XRN1: variants seen among roughly 807,000 people sequenced by gnomAD.
XRN1 encodes the protein 5'-3' exoribonuclease 1, also known as strand-exchange protein 1 homolog.
XRN1 carries 67 observed loss-of-function variants against 222.3 expected under a neutral mutation model. The ratio of observed to expected loss-of-function variants is 0.30; its 90% CI spans 0.25 to 0.37. The LOEUF (loss-of-function observed/expected upper bound fraction) is 0.37. XRN1 is among the 10% of genes least tolerant of loss of function. The pLI is 1.00. For missense variants in XRN1, 1,707 were observed against 2,000.2 expected, an observed-to-expected ratio of 0.85 and a Z score of 2.80; for synonymous variants, 643 against 652.4, an observed-to-expected ratio of 0.99 and a Z score of 0.22.
chr3:142,328,423 T>A (rs2065581176), intron 37 of XRN1, among the ~76,000 whole-genome samples: 2 of 152,004 alleles, frequency 1.3e-5, no homozygotes, highest in South Asian at 4.2e-4. Context: ...AATGTTTAAT[T>A]TCCATTTATT....
At chr3:142,364,925 TAA>T in intron 29 of XRN1, 120 bp downstream of exon 29, 2 of 1,045,128 alleles carry the variant, frequency 1.9e-6, no homozygotes, top group South Asian at 2.0e-5. Context: ...AACTAAAACA[TAA>T]AAAGATTGTT....
chr3:142,427,992 G>C (rs2069333050), intron 2 of XRN1, among the ~76,000 whole-genome samples: 1 of 152,178 alleles, frequency 6.6e-6, no homozygotes, highest in Admixed American at 6.5e-5. Flanking sequence ...CAACTTGTTT[G>C]TATTATCTGC....
At chr3:142,350,483 G>C (rs2066274002) in intron 32 of XRN1, among the ~76,000 whole-genome samples, 1 of 152,126 alleles carries the variant, frequency 6.6e-6, no homozygotes, top group African/African-American at 2.4e-5. Context: ...AAAAATAATG[G>C]CTTTTACTCA....
At chr3:142,402,745 C>G (rs952496227) in intron 18 of XRN1, among the ~76,000 whole-genome samples, 1 of 152,118 alleles carries the variant, frequency 6.6e-6, no homozygotes, top group Non-Finnish European at 1.5e-5. Context: ...ATCATTTCAT[C>G]CCCCTAAACT....
intron 23 of XRN1, among the ~76,000 whole-genome samples, chr3:142,379,272 C>G (rs993022069): frequency 2.0e-5 from 3 of 151,686 alleles, no homozygotes; most frequent in Non-Finnish European, 2.9e-5. Flanking sequence ...CTCTGTCTCA[C>G]AAAAAGAAAA....
chr3:142,407,992 C>T (rs369970297), intron 15 of XRN1, among the ~76,000 whole-genome samples: 7 of 152,216 alleles, frequency 4.6e-5, no homozygotes, highest in African/African-American at 1.7e-4. Flanking sequence ...TCATCACTTC[C>T]AGCACAGAAT....
At chr3:142,427,171 A>T (rs2069292276) in intron 2 of XRN1, among the ~76,000 whole-genome samples, 1 of 152,250 alleles carries the variant, frequency 6.6e-6, no homozygotes, top group Non-Finnish European at 1.5e-5. Context: ...CTCTACAAAA[A>T]TAAAAAAAAT....
At chr3:142,396,971 C>G (rs2108002393) in intron 20 of XRN1, among the ~76,000 whole-genome samples, 1 of 152,134 alleles carries the variant, frequency 6.6e-6, no homozygotes, top group East Asian at 1.9e-4. Flanking sequence ...AGGAACAAAA[C>G]AGGATTTTTC....
intron 27 of XRN1, among the ~76,000 whole-genome samples, chr3:142,367,846 G>T (rs2107873901): frequency 6.6e-6 from 1 of 151,878 alleles, no homozygotes; most frequent in Middle Eastern, 3.4e-3. Flanking sequence ...TACTTTTAAT[G>T]ATGATCCTGC....
At chr3:142,384,220 C>T (rs1030079161) in intron 21 of XRN1, among the ~76,000 whole-genome samples, 4 of 147,176 alleles carry the variant, frequency 2.7e-5, no homozygotes, top group South Asian at 2.1e-4. Context: ...TGCAGTGAGC[C>T]GAGATGGCGC....
chr3:142,437,686 G>A (rs1023940182), intron 1 of XRN1, among the ~76,000 whole-genome samples: 2 of 152,156 alleles, frequency 1.3e-5, no homozygotes, highest in Non-Finnish European at 2.9e-5. Context: ...AGCAAAAATG[G>A]AGAAATGGGA....
chr3:142,370,890 A>AAAACG (rs2066968536), intron 26 of XRN1, among the ~76,000 whole-genome samples: 1 of 152,118 alleles, frequency 6.6e-6, no homozygotes, highest in South Asian at 2.1e-4. Context: ...AAAACAAAAC[A>AAAACG]AAACAAAACA....
At chr3:142,316,214 CT>C (rs377522108) in intron 39 of XRN1, among the ~76,000 whole-genome samples, 1,405 of 111,810 alleles carry the variant, frequency 0.013, 8 homozygotes, top group African/African-American at 0.044. Context: ...TCATTATCTT[CT>C]TTTTTTTTTT....
chr3:142,329,235 C>T (rs2065621580), intron 37 of XRN1, among the ~76,000 whole-genome samples, 199 bp downstream of exon 37: 1 of 152,120 alleles, frequency 6.6e-6, no homozygotes, highest in South Asian at 2.1e-4. Context: ...ACCTGCTGCC[C>T]AGTTCCTCCC....
chr3:142,406,328 T>A (rs192988953), intron 15 of XRN1, among the ~76,000 whole-genome samples: 32 of 152,252 alleles, frequency 2.1e-4, no homozygotes, highest in Admixed American at 1.6e-3. Context: ...TGGACTTTTA[T>A]CTTACCATAA....
rs372167306 is a variant in XRN1, at chr3:142,311,949, G to T, written c.4783-136C>A. ...TGTGACTTCCACTTATAATTGCCAA[G>T]TAAGACTTTAGTAATTCAAAGGACT... On this transcript the variant is annotated intron_variant, in intron 40 of 40. Coordinates refer to ENST00000392981, the MANE Select transcript of XRN1 (RefSeq NM_001282857.2). 5 of 906,634 alleles carry T rather than the reference G, an allele frequency of 5.5e-6. No individual in the cohort carries two copies. The East Asian group carries it at 7.9e-5, about 14-fold the overall frequency. The allele number at this position is 906,634 out of a possible 1,614,324, so 56.2% of individuals were successfully genotyped here. A position where few individuals can be genotyped will look rare whatever the true frequency, so the allele number is the denominator to read the frequency against.
At chr3:142,322,688 C>A (rs574803964) in intron 37 of XRN1, among the ~76,000 whole-genome samples, 10,655 of 150,706 alleles carry the variant, frequency 0.071, 1,235 homozygotes, top group African/African-American at 0.25. Flanking sequence ...AACAAACAAA[C>A]AAAAAAAAAT....
In XRN1 at chr3:142,411,260, G is replaced by A. The variant is rs564209921; in HGVS notation, c.1713+1284C>T. 1.1e-4 allele frequency among the ~76,000 whole-genome samples: 17 copies of A among 152,120 alleles called. No homozygotes were observed. The East Asian group carries it at 3.1e-3, about 28-fold the overall frequency. ...TAACTTTCTTGATTAGTCTAGGTAG[G>A]ATTTACTGACTTTATTAATCTTTTC... On this transcript the variant is annotated intron_variant, in intron 15 of 40. Transcript: ENST00000392981.
chr3:142,414,383 T>A, intron 13 of XRN1, 92 bp from the exon 14 acceptor site: 2 of 1,006,764 alleles, frequency 2.0e-6, no homozygotes, highest in Non-Finnish European at 2.6e-6. Context: ...TAACAACATA[T>A]AAAAATAATT....
Sources: gnomAD v4.1 joint callset for allele counts (sites outside exome capture counted in the v4.1 genomes callset) on GRCh38, gnomAD v4.1.1 for gene constraint, MANE v1.5 for transcripts, NCBI Gene and HGNC (gene_info 2026-07-23, HGNC 2026-07-21) for gene names.